The following ARID3B variants were observed in gnomAD, a reference collection of about 807,000 sequenced individuals.
ARID3B encodes the protein AT-rich interactive domain-containing protein 3B.
ARID3B carries 10 observed loss-of-function variants against 51.9 expected under a neutral mutation model. The ratio of observed to expected loss-of-function variants is 0.19; its 90% confidence interval spans 0.12 to 0.33. The LOEUF is 0.33. Among genes scored for constraint, ARID3B ranks in the 10% least tolerant of loss-of-function variants. The pLI is 1.00. For missense variants in ARID3B, 483 were observed against 716.3 expected, an observed-to-expected ratio of 0.67 and a Z score of 3.72; for synonymous variants, 205 against 279.5, an observed-to-expected ratio of 0.73 and a Z score of 2.66.
rs368848755 is a variant in ARID3B, at chr15:74,572,321, G to A, written c.553-541G>A. Among the ~76,000 whole-genome samples, 71 of 152,330 alleles carry A rather than the reference G, an allele frequency of 4.7e-4. 1 individual carries two copies. The highest frequency in any genetic ancestry group is 1.6e-3 in the African/African-American group (67 of 41,576). The stretch of plus-strand genomic sequence containing the variant: ...TTGGAAACAATCTCAGGCCATGGTG[G>A]CCCTCATATCACCATGAGTTCTTGC... On this transcript the variant is annotated intron_variant, in intron 2 of 8. Transcript: ENST00000346246.
intron 2 of ARID3B, among the ~76,000 whole-genome samples, chr15:74,554,843 G>A (rs952855603): frequency 1.3e-5 from 2 of 151,958 alleles, no homozygotes; most frequent in African/African-American, 2.4e-5. Flanking sequence ...CCACAATAAA[G>A]CAATATTGCA....
At chr15:74,574,619 C>G (rs2061730654) in intron 4 of ARID3B, 1 of 152,134 alleles carries the variant, frequency 6.6e-6, no homozygotes, top group Admixed American at 6.6e-5. Context: ...TTGGTTTTCC[C>G]CAGTCTCTAA....
At chr15:74,558,201 G>GTTTGTTTCTTTTTTTTTT (rs2061666676) in intron 2 of ARID3B, among the ~76,000 whole-genome samples, 1 of 135,140 alleles carries the variant, frequency 7.4e-6, no homozygotes, top group African/African-American at 2.8e-5. Flanking sequence ...TTTTTTTTGG[G>GTTTGTTTCTTTTTTTTTT]TACTATTTTT....
At chr15:74,592,469 T>G (rs1453857147) in intron 7 of ARID3B, among the ~76,000 whole-genome samples, 1 of 152,152 alleles carries the variant, frequency 6.6e-6, no homozygotes, top group African/African-American at 2.4e-5. Flanking sequence ...CTATACATAT[T>G]CCCAGGCTGC....
At chr15:74,551,107 T>A (rs560262785) in intron 2 of ARID3B, among the ~76,000 whole-genome samples, 71 of 152,340 alleles carry the variant, frequency 4.7e-4, no homozygotes, top group Admixed American at 1.6e-3. Context: ...GTAAATTTTG[T>A]CTTTGATCCA....
At chr15:74,589,078 A>G (rs2061793609) in intron 4 of ARID3B, among the ~76,000 whole-genome samples, 1 of 113,688 alleles carries the variant, frequency 8.8e-6, no homozygotes, top group Admixed American at 1.3e-4. Flanking sequence ...CCCAGGCTGG[A>G]GTGCAGTGGT....
intron 4 of ARID3B, among the ~76,000 whole-genome samples, chr15:74,578,414 A>G (rs1050285625): frequency 2.6e-5 from 4 of 152,148 alleles, no homozygotes; most frequent in African/African-American, 9.7e-5. Context: ...ACCTCAGGTA[A>G]TCCGCCCGCG....
chr15:74,580,337 A>G (rs1307435170), intron 4 of ARID3B, among the ~76,000 whole-genome samples: 1 of 152,152 alleles, frequency 6.6e-6, no homozygotes, highest in African/African-American at 2.4e-5. Context: ...GCCCAAGGGG[A>G]GGGACTAATT....
At chr15:74,581,968 C>T (rs1163345966) in intron 4 of ARID3B, among the ~76,000 whole-genome samples, 1 of 152,176 alleles carries the variant, frequency 6.6e-6, no homozygotes, top group Non-Finnish European at 1.5e-5. Context: ...AGTGGCACAA[C>T]AGCATTGGAA....
chr15:74,562,512 CAG>C (rs2061682784), intron 2 of ARID3B, among the ~76,000 whole-genome samples: 1 of 152,110 alleles, frequency 6.6e-6, no homozygotes, highest in Admixed American at 6.6e-5. Context: ...TTTTCTGAGA[CAG>C]GGTCTCACTG....
Position 74,591,543 on chromosome 15 carries a change from C to A in ARID3B, c.1166-17C>A, listed in dbSNP as rs756306380. The A allele has an allele frequency of 3.1e-6, 5 of 1,609,386 alleles. No individual in the cohort carries two copies. The highest frequency in any genetic ancestry group is 4.3e-6 in the Non-Finnish European group (5 of 1,176,426). On this transcript the variant is annotated splice_polypyrimidine_tract_variant and intron_variant, in intron 6 of 8. Coordinates refer to ENST00000346246, the MANE Select transcript of ARID3B (RefSeq NM_006465.4). This position sits in a 1 kb window ranked among gnomAD's most constrained non-coding sequence, Gnocchi z 5.8. ...GAGGGTCAATTGTGGATTGGTCCAG[C>A]TCCAGTTCCTTTGCAGGTGATGGAG...
chr15:74,566,586 G>A (rs2061699507), intron 2 of ARID3B, among the ~76,000 whole-genome samples: 1 of 149,966 alleles, frequency 6.7e-6, no homozygotes, highest in Non-Finnish European at 1.5e-5. Flanking sequence ...CCGGGTGACA[G>A]AGTGAGACTC....
At chr15:74,572,987 T>A in intron 3 of ARID3B, 54 bp downstream of exon 3, 1 of 1,603,490 alleles carries the variant, frequency 6.2e-7, no homozygotes, top group Non-Finnish European at 8.5e-7. Context: ...AGTGGCTTGT[T>A]ACAGCTGATT....
At chr15:74,589,097 G>C (rs754824950) in intron 4 of ARID3B, among the ~76,000 whole-genome samples, 6 of 132,752 alleles carry the variant, frequency 4.5e-5, no homozygotes, top group Non-Finnish European at 9.2e-5. Context: ...GTGTGATCTC[G>C]GCTCACTGCA....
chr15:74,546,167 C>T (rs1193900831), intron 2 of ARID3B, among the ~76,000 whole-genome samples: 3 of 152,222 alleles, frequency 2.0e-5, no homozygotes, highest in South Asian at 4.1e-4. Context: ...CCAACTTCCA[C>T]GACAGCAGCA....
intron 4 of ARID3B, among the ~76,000 whole-genome samples, chr15:74,581,557 G>A (rs1285143786): frequency 6.6e-6 from 1 of 152,112 alleles, no homozygotes; most frequent in African/African-American, 2.4e-5. Context: ...ATCTTTTAGT[G>A]TCTGGATTAG....
chr15:74,563,809 G>C (rs548142875), intron 2 of ARID3B, among the ~76,000 whole-genome samples: 9 of 152,318 alleles, frequency 5.9e-5, no homozygotes, highest in South Asian at 4.1e-4. Context: ...TGGTATCAGG[G>C]TGTCCTCATC....
chr15:74,582,762 G>C (rs1319037263), intron 4 of ARID3B, among the ~76,000 whole-genome samples: 2 of 152,146 alleles, frequency 1.3e-5, no homozygotes, highest in African/African-American at 4.8e-5. Flanking sequence ...TGTGTTCACT[G>C]AAAGATACAG....
intron 2 of ARID3B, among the ~76,000 whole-genome samples, chr15:74,556,503 T>A (rs1480753604): frequency 2.0e-5 from 3 of 152,250 alleles, no homozygotes; most frequent in African/African-American, 4.8e-5. Context: ...GAGCACGTGC[T>A]GTTAGAAATT....
Sources: gnomAD v4.1 joint callset for allele counts (sites outside exome capture counted in the v4.1 genomes callset) on GRCh38, gnomAD v4.1.1 for gene constraint, Gnocchi (gnomAD v3.1) non-coding constraint, MANE v1.5 for transcripts, NCBI Gene and HGNC (gene_info 2026-07-23, HGNC 2026-07-21) for gene names.